The following FARP1 variants were observed in gnomAD, a reference collection of about 807,000 sequenced individuals.
FARP1 encodes the protein FERM, ARHGEF and pleckstrin domain-containing protein 1.
FARP1 carries 52 observed loss-of-function variants against 128.8 expected under a neutral mutation model. The ratio of observed to expected loss-of-function variants is 0.40; its 90% CI spans 0.32 to 0.51. FARP1 has a LOEUF of 0.51. Among genes scored for constraint, FARP1 ranks in the 20% least tolerant of loss-of-function variants. The probability of loss-of-function intolerance (pLI) is 0.45; values close to 1 mark genes in which losing one functional copy is unlikely to be tolerated. For missense variants in FARP1, 1,333 were observed against 1,367.9 expected, an observed-to-expected ratio of 0.97 and a Z score of 0.40; for synonymous variants, 580 against 551.8, an observed-to-expected ratio of 1.05 and a Z score of -0.72.
chr13:98,163,750 C>T (rs1185146135), intron 1 of FARP1, among the ~76,000 whole-genome samples: 1 of 151,842 alleles, frequency 6.6e-6, no homozygotes. Flanking sequence ...CTCTTGTCGC[C>T]CAGGCTGGAG....
intron 3 of FARP1, among the ~76,000 whole-genome samples, chr13:98,347,028 A>ACAGAGT (rs960652728): frequency 1.3e-5 from 2 of 152,228 alleles, no homozygotes; most frequent in African/African-American, 4.8e-5. Flanking sequence ...AGGTCATCAG[A>ACAGAGT]CAGAGTCTAT....
intron 2 of FARP1, among the ~76,000 whole-genome samples, chr13:98,295,195 T>G (rs1885633038): frequency 6.6e-6 from 1 of 151,992 alleles, no homozygotes; most frequent in Non-Finnish European, 1.5e-5. Context: ...TGAAAGGGAT[T>G]CATGTTTAGG....
At chr13:98,288,200 A>G (rs1885287869) in intron 2 of FARP1, among the ~76,000 whole-genome samples, 1 of 152,180 alleles carries the variant, frequency 6.6e-6, no homozygotes, top group Non-Finnish European at 1.5e-5. Context: ...CTGACATTCA[A>G]TTAGTAAGTA....
intron 6 of FARP1, among the ~76,000 whole-genome samples, chr13:98,378,960 T>G (rs536729078): frequency 1.0e-5 from 1 of 97,172 alleles, no homozygotes; most frequent in Non-Finnish European, 2.1e-5. Flanking sequence ...ATATATATAA[T>G]ATATACAATA....
At chr13:98,392,331 A>AAAAAG (rs1223686381) in intron 11 of FARP1, among the ~76,000 whole-genome samples, 2 of 138,634 alleles carry the variant, frequency 1.4e-5, no homozygotes, top group African/African-American at 5.9e-5. Context: ...CCCAAAAAAA[A>AAAAAG]AAAAAAAAAA....
chr13:98,240,808 G>T (rs1189356013), intron 2 of FARP1, among the ~76,000 whole-genome samples: 3 of 152,200 alleles, frequency 2.0e-5, no homozygotes, highest in Admixed American at 6.5e-5. Flanking sequence ...AACATCTTAG[G>T]ATGGGAAGGC....
chr13:98,157,654 A>G (rs1876584947), intron 1 of FARP1, among the ~76,000 whole-genome samples: 1 of 152,120 alleles, frequency 6.6e-6, no homozygotes, highest in African/African-American at 2.4e-5. Flanking sequence ...CATTTTACTT[A>G]AGAGGGTAAT....
At chr13:98,372,481 GTC>G in intron 5 of FARP1, among the ~76,000 whole-genome samples, 1 of 152,114 alleles carries the variant, frequency 6.6e-6, no homozygotes, top group East Asian at 1.9e-4. Flanking sequence ...TGGGCATCCC[GTC>G]TTCAGTTGGA....
intron 2 of FARP1, among the ~76,000 whole-genome samples, chr13:98,303,815 G>T (rs997250835): frequency 2.0e-5 from 3 of 152,184 alleles, no homozygotes; most frequent in African/African-American, 7.2e-5. Flanking sequence ...AAGGTTAAGC[G>T]CCAGAGGAGG....
At chr13:98,232,145 G>GTTTTTTTTTTTTTTTT (rs59209045) in intron 2 of FARP1, among the ~76,000 whole-genome samples, 7 of 105,784 alleles carry the variant, frequency 6.6e-5, no homozygotes, top group African/African-American at 1.5e-4. Flanking sequence ...TGTTTGGTTG[G>GTTTTTTTTTTTTTTTT]TTTTTTTTTT....
At chr13:98,188,463 A>T (rs1879024474) in intron 1 of FARP1, among the ~76,000 whole-genome samples, 1 of 152,130 alleles carries the variant, frequency 6.6e-6, no homozygotes, top group Admixed American at 6.5e-5. Flanking sequence ...CGGGAGGCTG[A>T]GGCAGGAGAA....
intron 1 of FARP1, among the ~76,000 whole-genome samples, chr13:98,168,183 AT>A (rs200599236): frequency 0.012 from 1,848 of 148,366 alleles, 32 homozygotes; most frequent in African/African-American, 0.041. Context: ...AAAAAAAAAA[AT>A]AAAATAAATA....
intron 1 of FARP1, among the ~76,000 whole-genome samples, chr13:98,159,892 T>C (rs1876757751): frequency 6.6e-6 from 1 of 152,338 alleles, no homozygotes; most frequent in East Asian, 1.9e-4. Flanking sequence ...TGCCAAGTAA[T>C]GAGCAGTTGT....
intron 2 of FARP1, among the ~76,000 whole-genome samples, chr13:98,313,787 A>G (rs928385490): frequency 3.3e-5 from 5 of 152,154 alleles, no homozygotes. Context: ...CTGGGAAGGG[A>G]TCATAGGGAA....
At chr13:98,219,958 T>G (rs1172292080) in intron 2 of FARP1, among the ~76,000 whole-genome samples, 1 of 152,228 alleles carries the variant, frequency 6.6e-6, no homozygotes, top group Non-Finnish European at 1.5e-5. Context: ...CATGAGCTAC[T>G]GTGCCCAGCC....
chr13:98,402,063 C>T (rs1767500958), intron 13 of FARP1: 1 of 152,152 alleles, frequency 6.6e-6, no homozygotes, highest in African/African-American at 2.4e-5. Context: ...TAAAAATCAA[C>T]TTGCCACGGG....
At chr13:98,306,385 A>T (rs952376649) in intron 2 of FARP1, among the ~76,000 whole-genome samples, 3 of 152,234 alleles carry the variant, frequency 2.0e-5, no homozygotes, top group African/African-American at 7.2e-5. Flanking sequence ...TAGACACTTT[A>T]CATGTTCCAT....
chr13:98,247,724 C>T (rs150945638), intron 2 of FARP1, among the ~76,000 whole-genome samples: 118 of 152,206 alleles, frequency 7.8e-4, no homozygotes, highest in Non-Finnish European at 1.5e-3. Flanking sequence ...AGGCAGTTCA[C>T]GAGGAGCCAG....
At chr13:98,284,095 G>A (rs1178052884) in intron 2 of FARP1, among the ~76,000 whole-genome samples, 1 of 152,176 alleles carries the variant, frequency 6.6e-6, no homozygotes, top group Non-Finnish European at 1.5e-5. Context: ...GAACAAGTTT[G>A]TCCAACGCCC....
Sources: gnomAD v4.1 joint callset for allele counts (sites outside exome capture counted in the v4.1 genomes callset) on GRCh38, gnomAD v4.1.1 for gene constraint, MANE v1.5 for transcripts, NCBI Gene and HGNC (gene_info 2026-07-23, HGNC 2026-07-21) for gene names.